The following GNAO1 variants were observed in gnomAD, a reference collection of about 807,000 sequenced individuals.
GNAO1 encodes the protein guanine nucleotide-binding protein G(o) subunit alpha.
For missense variants in GNAO1, 166 were observed against 478.7 expected (o/e 0.35, Z 6.10); for synonymous variants, 164 against 180.7 (o/e 0.91, Z 0.74).
intron 2 of GNAO1, among the ~76,000 whole-genome samples, chr16:56,212,185 G>A (rs1334810708): frequency 6.6e-6 from 1 of 152,212 alleles, no homozygotes; most frequent in African/African-American, 2.4e-5. Context: ...TTCAGGGAGA[G>A]TTTTAGAAAC....
intron 4 of GNAO1, among the ~76,000 whole-genome samples, chr16:56,332,004 C>T (rs985143249): frequency 1.3e-5 from 2 of 152,164 alleles, no homozygotes; most frequent in Non-Finnish European, 2.9e-5. Flanking sequence ...ACACCGAGGC[C>T]ACCAGCAGAT....
intron 3 of GNAO1, chr16:56,300,698 C>T (rs1379168979): frequency 1.3e-5 from 2 of 151,946 alleles, no homozygotes; most frequent in African/African-American, 2.4e-5. Flanking sequence ...TTGGCCTATC[C>T]CTGACCAAAA....
chr16:56,343,678 G>T, intron 6 of GNAO1: 1 of 1,099,030 alleles, frequency 9.1e-7, no homozygotes. Flanking sequence ...AGGCCGGATG[G>T]CCACACAGGC....
intron 2 of GNAO1, among the ~76,000 whole-genome samples, chr16:56,237,899 G>A (rs1437221932): frequency 1.3e-5 from 2 of 152,194 alleles, no homozygotes; most frequent in Admixed American, 6.5e-5. Flanking sequence ...TAGTGTCTAG[G>A]TTCCTGGGGT....
At chr16:56,223,698 A>T (rs1391847936) in intron 2 of GNAO1, among the ~76,000 whole-genome samples, 1 of 152,176 alleles carries the variant, frequency 6.6e-6, no homozygotes, top group Non-Finnish European at 1.5e-5. Context: ...GGAACCCCTC[A>T]TAGCACCTGG....
intron 2 of GNAO1, among the ~76,000 whole-genome samples, chr16:56,240,120 C>T (rs2036679838): frequency 6.6e-6 from 1 of 152,118 alleles, no homozygotes; most frequent in Non-Finnish European, 1.5e-5. Context: ...CAGCCAGCCC[C>T]AGTGTAATCT....
chr16:56,237,300 A>G (rs934043095), intron 2 of GNAO1, among the ~76,000 whole-genome samples: 16 of 152,208 alleles, frequency 1.1e-4, no homozygotes, highest in African/African-American at 2.2e-4. Context: ...AGCATCATCT[A>G]TGTACCTGAC....
chr16:56,213,177 G>A, intron 2 of GNAO1: 1 of 396,834 alleles, frequency 2.5e-6, no homozygotes, highest in Non-Finnish European at 4.4e-6. Context: ...TCAGATATGT[G>A]TAGCCTTTAC....
chr16:56,327,162 A>T (rs1203733230), intron 3 of GNAO1, among the ~76,000 whole-genome samples: 4 of 152,148 alleles, frequency 2.6e-5, no homozygotes, highest in Non-Finnish European at 5.9e-5. Context: ...TCTGCAGATC[A>T]GAGACCCAGG....
chr16:56,250,506 A>G (rs962796062), intron 2 of GNAO1, among the ~76,000 whole-genome samples: 1 of 152,214 alleles, frequency 6.6e-6, no homozygotes. Context: ...AGAGCATGCA[A>G]GACAGAGCTT....
chr16:56,256,690 C>CTGTG (rs1181273926), intron 2 of GNAO1, among the ~76,000 whole-genome samples: 1 of 110,308 alleles, frequency 9.1e-6, no homozygotes, highest in African/African-American at 3.9e-5. Context: ...CTCTCTGTCT[C>CTGTG]TCTCTCTCTC....
intron 4 of GNAO1, among the ~76,000 whole-genome samples, chr16:56,330,013 A>G (rs1228540872): frequency 2.0e-5 from 3 of 152,256 alleles, no homozygotes; most frequent in Admixed American, 6.5e-5. Flanking sequence ...GGCTGAGGCC[A>G]ATGTTCACTC....
intron 5 of GNAO1, among the ~76,000 whole-genome samples, chr16:56,335,825 C>T (rs953405626): frequency 5.3e-5 from 8 of 152,228 alleles, no homozygotes; most frequent in South Asian, 2.1e-4. Flanking sequence ...CATCTGCCAA[C>T]GCCCCTGCAT....
intron 3 of GNAO1, among the ~76,000 whole-genome samples, chr16:56,313,169 G>A (rs1204540029): frequency 1.3e-5 from 2 of 152,134 alleles, no homozygotes; most frequent in Admixed American, 6.5e-5. Flanking sequence ...TTACTCATTC[G>A]GTGATGCAGG....
chr16:56,257,590 G>A (rs1327398767), intron 2 of GNAO1, among the ~76,000 whole-genome samples: 2 of 152,100 alleles, frequency 1.3e-5, no homozygotes, highest in Non-Finnish European at 2.9e-5. Flanking sequence ...ATAAAAAGGT[G>A]GAAGCAAGCT....
intron 4 of GNAO1, among the ~76,000 whole-genome samples, chr16:56,331,391 G>A (rs2037686850): frequency 6.6e-6 from 1 of 152,126 alleles, no homozygotes; most frequent in South Asian, 2.1e-4. Flanking sequence ...AGTTGTCCAT[G>A]CTGGCGTCCG....
chr16:56,259,911 G>T (rs1442335574), intron 2 of GNAO1, among the ~76,000 whole-genome samples: 2 of 152,296 alleles, frequency 1.3e-5, no homozygotes, highest in Middle Eastern at 3.4e-3. Context: ...CTCTGAATGT[G>T]CCTGAAGTCA....
chr16:56,338,844 G>A (rs2037769403), intron 6 of GNAO1, among the ~76,000 whole-genome samples: 1 of 152,252 alleles, frequency 6.6e-6, no homozygotes, highest in Admixed American at 6.5e-5. Flanking sequence ...TGACCTTCCA[G>A]CCTGCGGGCC....
chr16:56,341,880 C>T (rs1302101025), intron 6 of GNAO1, among the ~76,000 whole-genome samples: 1 of 152,208 alleles, frequency 6.6e-6, no homozygotes, highest in African/African-American at 2.4e-5. Flanking sequence ...AGTGGGGCAC[C>T]CTCAGCCCGA....
Sources: allele counts gnomAD v4.1 joint callset (sites outside exome capture counted in the v4.1 genomes callset), GRCh38; gene constraint gnomAD v4.1.1; transcripts MANE v1.5; gene names NCBI Gene and HGNC (gene_info 2026-07-23, HGNC 2026-07-21).